Variants in SLC8A1 observed in about 807,000 individuals in gnomAD.
The protein encoded by SLC8A1 is solute carrier family 8 member A1.
In SLC8A1, 18 loss-of-function variants were observed where a neutral mutation model predicts 68.3. That is an observed-to-expected ratio of 0.26 (90% confidence interval 0.18 to 0.39). SLC8A1 has a LOEUF of 0.39. SLC8A1 is among the 10% of genes least tolerant of loss of function. The pLI is 1.00. For missense variants in SLC8A1, 985 were observed against 1,156.7 expected, an observed-to-expected ratio of 0.85 and a Z score of 2.15; for synonymous variants, 475 against 415.5, an observed-to-expected ratio of 1.14 and a Z score of -1.74.
intron 7 of SLC8A1, chr2:40,123,273 T>C (rs886317841): frequency 6.6e-6 from 1 of 152,260 alleles, no homozygotes; most frequent in Non-Finnish European, 1.5e-5. Context: ...GACTACACAA[T>C]GGTAAAGCAG....
At chr2:40,113,617 T>G (rs2034851299) in exon 8 of SLC8A1, 1 of 152,492 alleles carries the variant, frequency 6.6e-6, no homozygotes, top group Admixed American at 6.5e-5. Context: ...GACTGGACAG[T>G]GAAAGAAACA....
chr2:40,377,257 G>T lies in SLC8A1; in HGVS notation c.1808+51216C>A, dbSNP rs1243339645. Among the ~76,000 whole-genome samples the T allele has an allele frequency of 2.0e-5, 3 of 152,004 alleles. No individual in the cohort carries two copies. The East Asian group carries it at 5.8e-4, about 30-fold the overall frequency. On this transcript the variant is annotated intron_variant, in intron 2 of 7. Coordinates refer to ENST00000406785, the Ensembl canonical transcript of SLC8A1. ...CTTTGAATAAGCAAGCCACCATGAA[G>T]TCTATGGATTCGAGAAAGTGAATTT...
chr2:40,417,202 C>T (rs748358038), intron 2 of SLC8A1, among the ~76,000 whole-genome samples: 28 of 151,890 alleles, frequency 1.8e-4, no homozygotes, highest in Non-Finnish European at 3.5e-4. Context: ...GGTACATATG[C>T]AGGTTTGTTA....
chr2:40,241,763 G>C (rs1389303943), intron 2 of SLC8A1, among the ~76,000 whole-genome samples: 1 of 152,144 alleles, frequency 6.6e-6, no homozygotes, highest in Non-Finnish European at 1.5e-5. Context: ...GGCTTTGAGA[G>C]TGACCTGTCA....
intron 2 of SLC8A1, among the ~76,000 whole-genome samples, chr2:40,383,253 T>G (rs1682485272): frequency 6.6e-6 from 1 of 152,142 alleles, no homozygotes; most frequent in Non-Finnish European, 1.5e-5. Flanking sequence ...GGCTATTGTT[T>G]GTATATCTCA....
At chr2:40,129,242 T>C (rs1055131289) in intron 7 of SLC8A1, among the ~76,000 whole-genome samples, 1 of 151,864 alleles carries the variant, frequency 6.6e-6, no homozygotes, top group African/African-American at 2.4e-5. Flanking sequence ...TCATTTTTTT[T>C]TTTTTTTGAG....
chr2:40,293,637 A>G (rs1216714973), intron 2 of SLC8A1, among the ~76,000 whole-genome samples: 5 of 152,140 alleles, frequency 3.3e-5, no homozygotes, highest in Non-Finnish European at 7.3e-5. Context: ...CACTCTATTG[A>G]TGCTAAGTGA....
chr2:40,265,161 C>T (rs1416435970), intron 2 of SLC8A1, among the ~76,000 whole-genome samples: 3 of 152,106 alleles, frequency 2.0e-5, no homozygotes, highest in Non-Finnish European at 4.4e-5. Flanking sequence ...GAATTAAGGA[C>T]AATGTAGAGT....
chr2:40,502,553 A>G (rs2149937772), intron 1 of SLC8A1, among the ~76,000 whole-genome samples: 1 of 152,126 alleles, frequency 6.6e-6, no homozygotes, highest in South Asian at 2.1e-4. Context: ...ACTTTATCTC[A>G]TTGGTTCTTA....
chr2:40,434,158 T>C (rs375663548), intron 1 of SLC8A1, among the ~76,000 whole-genome samples: 1 of 152,188 alleles, frequency 6.6e-6, no homozygotes, highest in Admixed American at 6.5e-5. Context: ...TGTCTAAAGG[T>C]AGACAGGTCA....
chr2:40,433,852 T>C (rs920947225), intron 1 of SLC8A1, among the ~76,000 whole-genome samples: 4 of 152,198 alleles, frequency 2.6e-5, no homozygotes, highest in Non-Finnish European at 5.9e-5. Flanking sequence ...TTGGCTTCCA[T>C]GCAGGGTCAG....
chr2:40,435,708 T>G (rs528472643), intron 1 of SLC8A1, among the ~76,000 whole-genome samples: 1 of 152,288 alleles, frequency 6.6e-6, no homozygotes, highest in East Asian at 1.9e-4. Flanking sequence ...AACGAAGTTG[T>G]TGAAAACTCA....
At chr2:40,381,941 C>T (rs574614314) in intron 2 of SLC8A1, among the ~76,000 whole-genome samples, 1 of 151,938 alleles carries the variant, frequency 6.6e-6, no homozygotes, top group Admixed American at 6.6e-5. Context: ...TCTACAAACC[C>T]GATTTTAGTC....
chr2:40,200,384 C>G (rs780671941), intron 2 of SLC8A1, among the ~76,000 whole-genome samples: 2 of 144,736 alleles, frequency 1.4e-5, no homozygotes, highest in Non-Finnish European at 3.0e-5. Context: ...TTTCTTTGTC[C>G]TTTCCTCTCA....
At chr2:40,505,852 G>A (rs1454137592) in intron 1 of SLC8A1, among the ~76,000 whole-genome samples, 1 of 151,986 alleles carries the variant, frequency 6.6e-6, no homozygotes, top group Non-Finnish European at 1.5e-5. Context: ...TGTCCCAGAT[G>A]TTAAAACCAT....
chr2:40,473,108 G>A lies in SLC8A1; in HGVS notation c.-25+39241C>T, dbSNP rs184535989. 4.0e-3 allele frequency among the ~76,000 whole-genome samples: 605 copies of A among 152,166 alleles called. 1 individual carries two copies. Among genetic ancestry groups the A allele is most frequent in the Admixed American group, 7.1e-3 (108 of 15,280 alleles). On this transcript the variant is annotated intron_variant, in intron 1 of 7. Coordinates refer to the SLC8A1 transcript ENST00000402441. Reference sequence around the variant, plus strand: ...ATTTTCACATTCTACTCTGTTTCCCGAGTATAGTGTTCCCTGGCTGGGGTA... The same window carrying A: ...ATTTTCACATTCTACTCTGTTTCCCAAGTATAGTGTTCCCTGGCTGGGGTA...
intron 2 of SLC8A1, among the ~76,000 whole-genome samples, chr2:40,248,167 A>ATTTAATCC (rs2062152173): frequency 6.6e-6 from 1 of 152,182 alleles, no homozygotes; most frequent in African/African-American, 2.4e-5. Context: ...AAGAGGCCTG[A>ATTTAATCC]ATGTTCTCAA....
chr2:40,253,445 C>T (rs917665397), intron 2 of SLC8A1, among the ~76,000 whole-genome samples: 2 of 151,702 alleles, frequency 1.3e-5, no homozygotes, highest in Non-Finnish European at 2.9e-5. Flanking sequence ...ATAAGCAAGG[C>T]ACAGAAAGAC....
At chr2:40,235,486 C>A (rs2060241112) in intron 2 of SLC8A1, among the ~76,000 whole-genome samples, 2 of 152,036 alleles carry the variant, frequency 1.3e-5, no homozygotes, top group African/African-American at 4.8e-5. Context: ...TGAGTCTTCT[C>A]TCTTTTTTTC....
Sources: gnomAD v4.1 joint callset for allele counts (sites outside exome capture counted in the v4.1 genomes callset) on GRCh38, gnomAD v4.1.1 for gene constraint, MANE v1.5 for transcripts, NCBI Gene and HGNC (gene_info 2026-07-23, HGNC 2026-07-21) for gene names.